MYO18A: variants seen among roughly 807,000 people sequenced by gnomAD.
MYO18A encodes the protein unconventional myosin-XVIIIa.
MYO18A carries 78 observed loss-of-function variants against 235.8 expected under a neutral mutation model. The observed-to-expected ratio is 0.33, with a 90% CI of 0.28 to 0.40. MYO18A has a LOEUF of 0.40. MYO18A is among the 10% of genes least tolerant of loss of function. The probability of loss-of-function intolerance (pLI) is 1.00; values close to 1 mark genes in which losing one functional copy is unlikely to be tolerated. For synonymous variants in MYO18A, 977 were observed against 1,077.8 expected, an observed-to-expected ratio of 0.91 and a Z score of 1.83; for missense variants, 2,215 against 2,699.3, an observed-to-expected ratio of 0.82 and a Z score of 3.98.
At chr17:29,174,580 T>G (rs956120897) in intron 1 of MYO18A, among the ~76,000 whole-genome samples, 1 of 152,136 alleles carries the variant, frequency 6.6e-6, no homozygotes, top group Non-Finnish European at 1.5e-5. Context: ...TTTGGGAGGC[T>G]GAGGCAGGCA....
At chr17:29,135,288 G>A (rs1483832416) in intron 2 of MYO18A, among the ~76,000 whole-genome samples, 3 of 152,042 alleles carry the variant, frequency 2.0e-5, no homozygotes, top group Admixed American at 2.0e-4. Flanking sequence ...TTTTTTAGTA[G>A]AGGCAGGGTT....
chr17:29,148,385 G>A (rs1353091588), intron 2 of MYO18A, among the ~76,000 whole-genome samples: 1 of 152,176 alleles, frequency 6.6e-6, no homozygotes, highest in Non-Finnish European at 1.5e-5. Flanking sequence ...CAGAGCTCAG[G>A]GCCAGGAGGG....
At position 29,088,155 on chromosome 17, in the gene MYO18A, C is replaced by T. The variant is rs535292777; in HGVS notation, c.5527-1034G>A. 6.0e-5 allele frequency among the ~76,000 whole-genome samples: 9 copies of T among 150,778 alleles called. No individual in the cohort carries two copies. The East Asian group carries it at 1.6e-3, about 26-fold the overall frequency. On this transcript the variant is annotated intron_variant, in intron 37 of 41. Transcript: ENST00000527372. ...TGCAGGCTCCGCCCCCCGGGGTTCA[C>T]GCCATTCTCCTGCCTCAGCCTCCGG...
At chr17:29,099,593 A>G (rs1453942567) in intron 22 of MYO18A, 41 bp downstream of exon 22, 2 of 1,599,224 alleles carry the variant, frequency 1.3e-6, no homozygotes, top group Non-Finnish European at 1.7e-6. Flanking sequence ...GGCTGTGCCC[A>G]TCTAGGTTGG....
Position 29,143,251 on chromosome 17 carries a change from C to T in MYO18A, c.1000-20998G>A, listed in dbSNP as rs552498453. Among the ~76,000 whole-genome samples the T allele has an allele frequency of 4.6e-5, 7 of 152,254 alleles. No individual in the cohort carries two copies. In the South Asian group the frequency reaches 1.5e-3, roughly 32 times the overall value. ...TTCATTTTCAATACTTAAAACAAAA[C>T]AAACAAACAAAAGCTCTTTTGCCCA... On this transcript the variant is annotated intron_variant, in intron 2 of 41. Transcript: ENST00000527372.
At chr17:29,165,884 C>A in intron 2 of MYO18A, 58 bp downstream of exon 2, 1 of 1,505,546 alleles carries the variant, frequency 6.6e-7, no homozygotes, top group Non-Finnish European at 9.0e-7. Flanking sequence ...CCCAGTCAAG[C>A]AGGAGGTGCC....
chr17:29,123,385 G>A (rs2067246337), intron 2 of MYO18A, among the ~76,000 whole-genome samples: 1 of 152,254 alleles, frequency 6.6e-6, no homozygotes, highest in Non-Finnish European at 1.5e-5. Context: ...GTGAGGCACA[G>A]TCAGCCTGAA....
At chr17:29,101,331 A>G (rs1229478760) in intron 21 of MYO18A, among the ~76,000 whole-genome samples, 1 of 151,744 alleles carries the variant, frequency 6.6e-6, no homozygotes, top group Non-Finnish European at 1.5e-5. Context: ...TTGGAGACAG[A>G]GTCTTGCTCT....
intron 2 of MYO18A, among the ~76,000 whole-genome samples, chr17:29,132,629 T>C (rs2067499148): frequency 6.6e-6 from 1 of 152,144 alleles, no homozygotes; most frequent in African/African-American, 2.4e-5. Flanking sequence ...CTGTGGCTAA[T>C]TTTGAGCTCA....
intron 2 of MYO18A, 72 bp from the exon 3 acceptor site, chr17:29,122,325 A>G: frequency 7.1e-7 from 1 of 1,407,414 alleles, no homozygotes; most frequent in Non-Finnish European, 9.9e-7. Context: ...TAGAGGGGAG[A>G]CAAGTGAGGG....
At position 29,073,608 on chromosome 17, in the gene MYO18A, G is replaced by T. The variant is rs1033243011; in HGVS notation, c.*1162C>A. 19 of 456,684 alleles carry T rather than the reference G, an allele frequency of 4.2e-5. No individual in the cohort carries two copies. The highest frequency in any genetic ancestry group is 6.6e-5 in the Non-Finnish European group (17 of 256,976). The allele number at this position is 456,684 out of a possible 1,614,324, so 28.3% of individuals were successfully genotyped here. A position where few individuals can be genotyped will look rare whatever the true frequency, so the allele number is the denominator to read the frequency against. Reference sequence around the variant, plus strand: ...GTACAAACCAATTGCAGGAGAGAAGGGGGGCGGCAGATGGGAGCAGCACCA... The same window carrying T: ...GTACAAACCAATTGCAGGAGAGAAGTGGGGCGGCAGATGGGAGCAGCACCA... On this transcript the variant is annotated 3_prime_UTR_variant, in exon 42 of 42. Coordinates refer to ENST00000527372, the MANE Select transcript of MYO18A (RefSeq NM_078471.4).
chr17:29,074,775 C>T lies in MYO18A; in HGVS notation c.6160G>A (p.Ala2054Thr), dbSNP rs182732022. ...CTGCCAACCACTCCCCTGGGCTATG[C>T]GTTAGTCTCCGTCAGCTTGGCCTCT... ...DTEAKLTETN[A>T] The change falls in exon 42 of 42, where the codon GCA (alanine) becomes ACA (threonine). Residue 2054 changes from alanine to threonine, a missense_variant. Ala to Thr is a moderately conservative substitution (Grantham distance 58, BLOSUM62 0). Coordinates refer to ENST00000527372, the MANE Select transcript of MYO18A (RefSeq NM_078471.4). This position sits in a 1 kb window ranked among gnomAD's most constrained non-coding sequence, Gnocchi z 4.4. 2.3e-4 allele frequency: 367 copies of T among 1,613,904 alleles called. 1 individual carries two copies. The African/African-American group carries it at 3.6e-3, about 16-fold the overall frequency.
At chr17:29,122,744 C>T (rs745406818) in intron 2 of MYO18A, among the ~76,000 whole-genome samples, 1 of 152,224 alleles carries the variant, frequency 6.6e-6, no homozygotes, top group Non-Finnish European at 1.5e-5. Flanking sequence ...AGGGCATGTC[C>T]TCAGATCTCA....
In MYO18A at chr17:29,074,444, T is replaced by G; in HGVS notation, c.*326A>C. 1.7e-6 allele frequency: 1 copy of G among 582,198 alleles called. No individual in the cohort carries two copies. The highest frequency in any genetic ancestry group is 3.1e-6 in the Non-Finnish European group (1 of 321,120). 36.1% of individuals were successfully genotyped at this position (582,198 alleles called of 1,614,324 possible). On this transcript the variant is annotated 3_prime_UTR_variant, in exon 42 of 42. Transcript: ENST00000527372. This position sits in a 1 kb window ranked among gnomAD's most constrained non-coding sequence, Gnocchi z 4.4. ...TGTCCACCGTCCCTGAGCAGGGAGC[T>G]GAGAGGGAGGTCAACGTGCTGGCTC...
intron 13 of MYO18A, 72 bp downstream of exon 13, chr17:29,115,279 C>T (rs750198695): frequency 6.4e-7 from 1 of 1,557,808 alleles, no homozygotes; most frequent in Non-Finnish European, 8.8e-7. Context: ...CTGCCTCGGC[C>T]AACAAGGCAT....
In MYO18A at chr17:29,091,791, G is replaced by A. The variant is rs559424787; in HGVS notation, c.5187+552C>T. 2.5e-5 allele frequency: 10 copies of A among 407,228 alleles called. No homozygotes were observed. The East Asian group carries it at 2.9e-4, about 12-fold the overall frequency. 25.2% of individuals were successfully genotyped at this position (407,228 alleles called of 1,614,324 possible). ...CTGCCCAAGGGGCCTGCCCACTGGGGTGGGTCCCAGGACCAGTGATGCTCA... is the reference window on the plus strand; with the variant it reads ...CTGCCCAAGGGGCCTGCCCACTGGGATGGGTCCCAGGACCAGTGATGCTCA... On this transcript the variant is annotated intron_variant, in intron 34 of 41. Transcript: ENST00000527372.
Position 29,167,064 on chromosome 17 carries a change from G to A in MYO18A, c.-81-43C>T, listed in dbSNP as rs1784339346. The A allele has an allele frequency of 7.4e-6, 10 of 1,358,924 alleles. No individual in the cohort carries two copies. In the South Asian group the frequency reaches 1.6e-4, roughly 21 times the overall value. The allele number at this position is 1,358,924 out of a possible 1,614,324, so 84.2% of individuals were successfully genotyped here. On this transcript the variant is annotated intron_variant, in intron 1 of 41. Transcript: ENST00000527372. ...CAGAGAGAAAGGTTATTCGAACAGA[G>A]CCTCATGTGTCTCCAGTCCAGACAT... is the stretch of plus-strand genomic sequence containing the variant.
chr17:29,170,813 A>G (rs2068385261), intron 1 of MYO18A, among the ~76,000 whole-genome samples: 1 of 152,198 alleles, frequency 6.6e-6, no homozygotes, highest in Non-Finnish European at 1.5e-5. Flanking sequence ...ATCAACCTCA[A>G]ATATACATCT....
chr17:29,163,220 G>A (rs967274827), intron 2 of MYO18A, among the ~76,000 whole-genome samples: 2 of 152,208 alleles, frequency 1.3e-5, no homozygotes, highest in Non-Finnish European at 2.9e-5. Context: ...GCCAAGACAG[G>A]GAGTAGGAGG....
Sources: allele counts gnomAD v4.1 joint callset (sites outside exome capture counted in the v4.1 genomes callset), GRCh38; gene constraint gnomAD v4.1.1; non-coding constraint Gnocchi (gnomAD v3.1); transcripts MANE v1.5; gene names NCBI Gene and HGNC (gene_info 2026-07-23, HGNC 2026-07-21).